Variants in BBS9 observed in about 807,000 individuals in gnomAD.
BBS9 encodes the protein Bardet-Biedl syndrome 9, also known as protein PTHB1.
BBS9 carries 89 observed loss-of-function variants against 117.7 expected under a neutral mutation model. The ratio of observed to expected loss-of-function variants is 0.76; its 90% confidence interval spans 0.64 to 0.90. BBS9 has a LOEUF of 0.90. BBS9 is among the 40% of genes least tolerant of loss of function. BBS9 has a pLI of 0.00. For synonymous variants in BBS9, 379 were observed against 370.9 expected (o/e 1.02, Z -0.25); for missense variants, 982 against 1,042.2 (o/e 0.94, Z 0.80).
intron 22 of BBS9, 92 bp from the exon 23 acceptor site, chr7:33,605,103 A>C: frequency 6.8e-7 from 1 of 1,464,396 alleles, no homozygotes; most frequent in Non-Finnish European, 9.5e-7. Context: ...TCTTCCCCTT[A>C]GCACTGGTGC....
downstream of BBS9, among the ~76,000 whole-genome samples, chr7:33,610,510 G>A (rs909670237): frequency 7.9e-5 from 12 of 151,974 alleles, no homozygotes; most frequent in Non-Finnish European, 1.2e-4. Context: ...GCCAAGAGAG[G>A]GCAAGAGAGA....
intron 19 of BBS9, among the ~76,000 whole-genome samples, chr7:33,416,543 G>A (rs949522125): frequency 6.6e-6 from 1 of 151,956 alleles, no homozygotes; most frequent in Non-Finnish European, 1.5e-5. Flanking sequence ...GCATGGAGAC[G>A]ATAGTTACTA....
intron 9 of BBS9, among the ~76,000 whole-genome samples, chr7:33,295,783 T>G (rs1243432018): frequency 6.6e-6 from 1 of 152,032 alleles, no homozygotes; most frequent in Non-Finnish European, 1.5e-5. Context: ...ATCCAGACTG[T>G]TAACAAAATA....
At position 33,172,134 on chromosome 7, in the gene BBS9, A is replaced by C. The variant is rs541351009; in HGVS notation, c.329-5344A>C. 3.0e-3 allele frequency among the ~76,000 whole-genome samples: 461 copies of C among 152,270 alleles called. 4 individuals are homozygous for C. Among genetic ancestry groups the C allele is most frequent in the African/African-American group, 0.01 (421 of 41,532 alleles). On this transcript the variant is annotated intron_variant, in intron 4 of 22. Transcript: ENST00000242067. ...GGTGGCTCACACCTGTAATCCCAGC[A>C]CTTTGGGAGGCCGAGGTGGGCCGAT... is the stretch of plus-strand genomic sequence containing the variant.
chr7:33,502,896 A>AT (rs1334947891), intron 19 of BBS9, among the ~76,000 whole-genome samples: 2 of 152,302 alleles, frequency 1.3e-5, no homozygotes, highest in East Asian at 3.9e-4. Context: ...CTTGTTCAAA[A>AT]TGCAGGAAGA....
chr7:33,540,595 G>A (rs936998653), intron 21 of BBS9, among the ~76,000 whole-genome samples: 20 of 152,116 alleles, frequency 1.3e-4, no homozygotes, highest in African/African-American at 3.9e-4. Flanking sequence ...AAAAGGCCCC[G>A]TGATAGAAAG....
intron 9 of BBS9, among the ~76,000 whole-genome samples, chr7:33,329,933 T>A (rs1243588946): frequency 6.6e-6 from 1 of 152,188 alleles, no homozygotes; most frequent in Non-Finnish European, 1.5e-5. Context: ...TAGATGGCCT[T>A]TATTTAACCT....
At chr7:33,435,609 G>A (rs1584817939) in intron 19 of BBS9, among the ~76,000 whole-genome samples, 1 of 152,086 alleles carries the variant, frequency 6.6e-6, no homozygotes, top group African/African-American at 2.4e-5. Flanking sequence ...TGCATCAATA[G>A]ATACTGAATT....
At chr7:33,633,782 T>C (rs1197416104) in intron 21 of BBS9, among the ~76,000 whole-genome samples, 2 of 152,168 alleles carry the variant, frequency 1.3e-5, no homozygotes, top group African/African-American at 4.8e-5. Flanking sequence ...GGTTATGTGG[T>C]TTTGAGGTCA....
intron 21 of BBS9, among the ~76,000 whole-genome samples, chr7:33,576,141 G>T (rs1858818438): frequency 6.6e-6 from 1 of 152,180 alleles, no homozygotes; most frequent in African/African-American, 2.4e-5. Flanking sequence ...TGACATGATT[G>T]TATATTTAGG....
chr7:33,195,934 G>GA (rs993205428), intron 5 of BBS9, among the ~76,000 whole-genome samples: 1 of 151,942 alleles, frequency 6.6e-6, no homozygotes, highest in Non-Finnish European at 1.5e-5. Flanking sequence ...GACTGAGGTG[G>GA]AAAAAAATAC....
chr7:33,291,908 G>C (rs983519303), intron 9 of BBS9, among the ~76,000 whole-genome samples: 1 of 152,068 alleles, frequency 6.6e-6, no homozygotes, highest in Non-Finnish European at 1.5e-5. Context: ...AGTCTTTAGG[G>C]CCGCTCCACT....
intron 19 of BBS9, among the ~76,000 whole-genome samples, chr7:33,432,565 A>G (rs1481531115): frequency 1.3e-5 from 2 of 152,274 alleles, no homozygotes; most frequent in African/African-American, 2.4e-5. Flanking sequence ...CTTTTTGGCC[A>G]TTAGGTTAAA....
intron 5 of BBS9, among the ~76,000 whole-genome samples, chr7:33,197,074 A>G (rs530346998): frequency 3.0e-4 from 46 of 152,260 alleles, no homozygotes; most frequent in African/African-American, 1.1e-3. Context: ...AGAGGGAAAG[A>G]CTAAAAAAAT....
At chr7:33,474,363 G>GGAA (rs1361945918) in intron 19 of BBS9, among the ~76,000 whole-genome samples, 2 of 152,172 alleles carry the variant, frequency 1.3e-5, no homozygotes, top group African/African-American at 4.8e-5. Context: ...TTTGGATTCA[G>GGAA]CTTCCCCGAC....
At chr7:33,367,683 G>T in intron 16 of BBS9, 84 bp from the exon 17 acceptor site, 1 of 1,061,348 alleles carries the variant, frequency 9.4e-7, no homozygotes, top group Non-Finnish European at 1.5e-6. Flanking sequence ...TAAAAAACAC[G>T]CATCATTCAA....
At chr7:33,208,559 G>A (rs1439518578) in intron 5 of BBS9, among the ~76,000 whole-genome samples, 1 of 152,180 alleles carries the variant, frequency 6.6e-6, no homozygotes, top group African/African-American at 2.4e-5. Context: ...CTTTTTCACA[G>A]AATCTTATAA....
intron 9 of BBS9, among the ~76,000 whole-genome samples, chr7:33,280,106 ATAGTCACTTATTTTAAATTTGTTACT>A (rs1801523103): frequency 6.6e-6 from 1 of 152,202 alleles, no homozygotes. Flanking sequence ...TAGGTCCACA[ATAGTCACTTATTTTAAATTTGTTACT>A]TAACAGTTTC....
chr7:33,558,841 T>G (rs990686686), intron 21 of BBS9, among the ~76,000 whole-genome samples: 1 of 152,192 alleles, frequency 6.6e-6, no homozygotes, highest in African/African-American at 2.4e-5. Flanking sequence ...CAATAACATT[T>G]GAGAAAATGA....
Sources: gnomAD v4.1 joint callset for allele counts (sites outside exome capture counted in the v4.1 genomes callset) on GRCh38, gnomAD v4.1.1 for gene constraint, MANE v1.5 for transcripts, NCBI Gene and HGNC (gene_info 2026-07-23, HGNC 2026-07-21) for gene names.